Variants in KCNMA1 observed in about 807,000 individuals in gnomAD.
The protein encoded by KCNMA1 is potassium calcium-activated channel subfamily M alpha 1.
KCNMA1 carries 29 observed loss-of-function variants against 140.0 expected under a neutral mutation model. The ratio of observed to expected loss-of-function variants is 0.21; its 90% CI spans 0.15 to 0.28. KCNMA1 has a LOEUF of 0.28. Among genes scored for constraint, KCNMA1 ranks in the 10% least tolerant of loss-of-function variants. The pLI is 1.00. For missense variants in KCNMA1, 880 were observed against 1,602.2 expected, an observed-to-expected ratio of 0.55 and a Z score of 7.70; for synonymous variants, 612 against 611.9, an observed-to-expected ratio of 1.00 and a Z score of 0.00.
intron 1 of KCNMA1, among the ~76,000 whole-genome samples, chr10:77,405,740 C>T (rs1176877067): frequency 1.3e-5 from 2 of 152,176 alleles, no homozygotes; most frequent in Non-Finnish European, 2.9e-5. Flanking sequence ...CAAGGCAAAG[C>T]CACACTGGGG....
At chr10:77,619,787 G>C (rs2670162) in intron 1 of KCNMA1, among the ~76,000 whole-genome samples, 7 of 152,178 alleles carry the variant, frequency 4.6e-5, no homozygotes, top group Non-Finnish European at 8.8e-5. Flanking sequence ...AGGATGGAAG[G>C]ACAAACAGAG....
At chr10:77,477,805 C>A (rs1459355435) in intron 1 of KCNMA1, among the ~76,000 whole-genome samples, 1 of 152,166 alleles carries the variant, frequency 6.6e-6, no homozygotes, top group Admixed American at 6.5e-5. Context: ...GTTCTTAGAG[C>A]CAGCAAAGCC....
chr10:77,166,606 G>A (rs941065423), intron 5 of KCNMA1, among the ~76,000 whole-genome samples: 3 of 152,058 alleles, frequency 2.0e-5, no homozygotes, highest in African/African-American at 4.8e-5. Flanking sequence ...GAAGGACATG[G>A]AGGAGGGAAA....
chr10:76,932,788 T>A (rs2059600637), intron 23 of KCNMA1, among the ~76,000 whole-genome samples: 1 of 152,338 alleles, frequency 6.6e-6, no homozygotes, highest in South Asian at 2.1e-4. Context: ...AAAACACATC[T>A]TCCAAGTTCC....
intron 14 of KCNMA1, among the ~76,000 whole-genome samples, chr10:77,042,266 A>T (rs1259134874): frequency 1.3e-5 from 2 of 152,252 alleles, no homozygotes; most frequent in African/African-American, 2.4e-5. Flanking sequence ...GAACTTTTTA[A>T]TTTCTCCAAA....
chr10:77,406,959 G>A (rs2096490218), intron 1 of KCNMA1, among the ~76,000 whole-genome samples: 2 of 152,230 alleles, frequency 1.3e-5, no homozygotes, highest in East Asian at 3.9e-4. Context: ...GAGGCAGGGG[G>A]GCCCTCCAGT....
intron 14 of KCNMA1, among the ~76,000 whole-genome samples, chr10:77,066,558 G>A (rs764004510): frequency 6.6e-6 from 1 of 152,114 alleles, no homozygotes; most frequent in Non-Finnish European, 1.5e-5. Flanking sequence ...CAGTTGAATC[G>A]GTGACGCCGG....
chr10:77,165,043 T>A (rs1049282663), intron 5 of KCNMA1, among the ~76,000 whole-genome samples: 8 of 152,176 alleles, frequency 5.3e-5, no homozygotes, highest in African/African-American at 1.9e-4. Context: ...AAGAATGAGT[T>A]GATTCATGCC....
chr10:76,953,707 T>C, intron 21 of KCNMA1, 94 bp downstream of exon 21: 1 of 1,469,262 alleles, frequency 6.8e-7, no homozygotes, highest in Non-Finnish European at 9.5e-7. Flanking sequence ...CCAGGGACAG[T>C]ATTATCCCAC....
chr10:77,443,173 G>C (rs940628175), intron 1 of KCNMA1, among the ~76,000 whole-genome samples: 9 of 152,156 alleles, frequency 5.9e-5, no homozygotes, highest in Admixed American at 5.2e-4. Context: ...CCCAAAAGAG[G>C]GGGAAAGGCT....
chr10:77,514,427 A>G (rs1231448663), intron 1 of KCNMA1, among the ~76,000 whole-genome samples: 1 of 152,150 alleles, frequency 6.6e-6, no homozygotes, highest in Admixed American at 6.5e-5. Context: ...CAGGTGGTAC[A>G]AGTTCAGCCT....
rs181622375 is a variant in KCNMA1, at chr10:77,398,359, T to C, written c.540+5503A>G. ...TTTTCTCCACATCCTCACCAACATCTGTTATTTTTTGTCTTTTTAATAATA... is the reference window on the plus strand; with the variant it reads ...TTTTCTCCACATCCTCACCAACATCCGTTATTTTTTGTCTTTTTAATAATA... On this transcript the variant is annotated intron_variant, in intron 2 of 27. Coordinates refer to ENST00000286628, the MANE Select transcript of KCNMA1 (RefSeq NM_001161352.2). Among the ~76,000 whole-genome samples the C allele has an allele frequency of 1.0e-3, 158 of 152,312 alleles. 2 individuals are homozygous for C. Among genetic ancestry groups the C allele is most frequent in the Admixed American group, 1.8e-3 (28 of 15,302 alleles).
intron 25 of KCNMA1, among the ~76,000 whole-genome samples, chr10:76,899,007 A>T (rs1297901412): frequency 6.6e-6 from 1 of 152,086 alleles, no homozygotes; most frequent in Non-Finnish European, 1.5e-5. Context: ...AAGGAGAATA[A>T]AATGTCAGAT....
intron 5 of KCNMA1, among the ~76,000 whole-genome samples, chr10:77,127,107 C>T (rs2097760123): frequency 5.1e-5 from 2 of 38,938 alleles, no homozygotes; most frequent in African/African-American, 9.8e-5. Flanking sequence ...CACACACACA[C>T]ACACACACAC....
chr10:77,316,158 G>A (rs530609774), intron 2 of KCNMA1, among the ~76,000 whole-genome samples: 6 of 152,178 alleles, frequency 3.9e-5, no homozygotes, highest in Admixed American at 2.6e-4. Context: ...CCAAGTCCAC[G>A]TGATAGCAGA....
At chr10:77,158,279 A>G (rs532817223) in intron 5 of KCNMA1, among the ~76,000 whole-genome samples, 90 of 152,328 alleles carry the variant, frequency 5.9e-4, no homozygotes, top group African/African-American at 2.1e-3. Flanking sequence ...GCTCAAGATT[A>G]AAAGCTATAA....
At chr10:77,508,565 CTTTTT>C in intron 1 of KCNMA1, among the ~76,000 whole-genome samples, 1 of 124,430 alleles carries the variant, frequency 8.0e-6, no homozygotes, top group South Asian at 2.8e-4. Flanking sequence ...TTTCCTTTTT[CTTTTT>C]TTTTTCTTTT....
chr10:76,872,445 C>A (rs1297407787), downstream of KCNMA1: 1 of 152,332 alleles, frequency 6.6e-6, no homozygotes, highest in African/African-American at 2.4e-5. Context: ...GCCATTGCTG[C>A]CCCATCACTC....
At position 76,884,923 on chromosome 10, in the gene KCNMA1, A is replaced by T. The variant is rs1284895309; in HGVS notation, c.*2343T>A. The T allele has an allele frequency of 9.5e-6, 14 of 1,480,028 alleles. No homozygotes were observed. In the South Asian group the frequency reaches 1.8e-4, roughly 20 times the overall value. The allele number at this position is 1,480,028 out of a possible 1,614,324, so 91.7% of individuals were successfully genotyped here. A position where few individuals can be genotyped will look rare whatever the true frequency, so the allele number is the denominator to read the frequency against. On this transcript the variant is annotated 3_prime_UTR_variant, in exon 28 of 28. Transcript: ENST00000286628. ...TTTTAATTTCACAAAAGTTTTCACAAGGACAACGTTATAGAAGAAAACCCC... is the reference window on the plus strand; with the variant it reads ...TTTTAATTTCACAAAAGTTTTCACATGGACAACGTTATAGAAGAAAACCCC...
Sources: gnomAD v4.1 joint callset for allele counts (sites outside exome capture counted in the v4.1 genomes callset) on GRCh38, gnomAD v4.1.1 for gene constraint, MANE v1.5 for transcripts, NCBI Gene and HGNC (gene_info 2026-07-23, HGNC 2026-07-21) for gene names.